Variants in ANKRD31 observed in about 807,000 individuals in gnomAD.
ANKRD31 encodes the protein ankyrin repeat domain-containing protein 31.
Under a neutral mutation model 186.0 loss-of-function variants are expected in ANKRD31, and 147 were observed. The ratio of observed to expected loss-of-function variants is 0.79; its 90% CI spans 0.69 to 0.91. The LOEUF (loss-of-function observed/expected upper bound fraction) is 0.91, where lower values mean the gene tolerates loss of function less well. Among genes scored for constraint, ANKRD31 ranks in the 40% least tolerant of loss-of-function variants. The pLI, the probability that ANKRD31 is intolerant of heterozygous loss-of-function variation, is 0.00. For missense variants in ANKRD31, 1,986 were observed against 2,148.8 expected (o/e 0.92, Z 1.50); for synonymous variants, 673 against 736.4 (o/e 0.91, Z 1.39).
intron 20 of ANKRD31, among the ~76,000 whole-genome samples, chr5:75,109,725 C>G (rs921481372): frequency 6.6e-6 from 1 of 152,046 alleles, no homozygotes; most frequent in African/African-American, 2.4e-5. Context: ...TAACAATGGG[C>G]CTGAGGTGCA....
chr5:75,192,337 G>T (rs1005364515), intron 9 of ANKRD31, among the ~76,000 whole-genome samples: 10 of 152,082 alleles, frequency 6.6e-5, no homozygotes, highest in Admixed American at 2.6e-4. Flanking sequence ...AATAACAATT[G>T]TGCCTTGTCC....
intron 3 of ANKRD31, among the ~76,000 whole-genome samples, chr5:75,219,788 A>C (rs1451277932): frequency 6.6e-6 from 1 of 152,214 alleles, no homozygotes; most frequent in African/African-American, 2.4e-5. Context: ...GTACAAAAAT[A>C]GACACATAAA....
intron 4 of ANKRD31, among the ~76,000 whole-genome samples, chr5:75,208,082 G>A (rs959811552): frequency 1.6e-4 from 25 of 152,000 alleles, no homozygotes; most frequent in South Asian, 1.2e-3. Context: ...AAAAATTAGC[G>A]AGAGAAGTTG....
chr5:75,128,568 G>A (rs79145459), intron 17 of ANKRD31, among the ~76,000 whole-genome samples: 6 of 151,218 alleles, frequency 4.0e-5, no homozygotes, highest in East Asian at 2.0e-4. Flanking sequence ...GCAGTGGTAC[G>A]ATCTTGGCTC....
At chr5:75,166,975 T>C (rs1209023236) in intron 11 of ANKRD31, among the ~76,000 whole-genome samples, 1 of 152,176 alleles carries the variant, frequency 6.6e-6, no homozygotes, top group Non-Finnish European at 1.5e-5. Context: ...ATATAATTCA[T>C]TGTTTTTTAG....
At chr5:75,077,091 A>G in intron 25 of ANKRD31, among the ~76,000 whole-genome samples, 1 of 152,244 alleles carries the variant, frequency 6.6e-6, no homozygotes. Context: ...CCAAATTAAT[A>G]ATTTTTTGTT....
At chr5:75,194,977 GA>G (rs1755363999) in intron 7 of ANKRD31, among the ~76,000 whole-genome samples, 3 of 151,988 alleles carry the variant, frequency 2.0e-5, no homozygotes, top group East Asian at 1.9e-4. Flanking sequence ...ATAATCAGGG[GA>G]AAAAATAAAG....
At chr5:75,235,159 G>C (rs1290934421) in intron 1 of ANKRD31, among the ~76,000 whole-genome samples, 1 of 150,238 alleles carries the variant, frequency 6.7e-6, no homozygotes, top group African/African-American at 2.5e-5. Flanking sequence ...TTATTTTTCA[G>C]ACTTTTCCTA....
chr5:75,146,802 G>A lies in ANKRD31; in HGVS notation c.2609C>T (p.Ser870Phe), dbSNP rs1260850508. Residue 870 changes from serine (S) to phenylalanine (F), a missense_variant, in exon 14 of 26, where the codon TCT becomes TTT. Coordinates refer to ENST00000506364, the MANE Select transcript of ANKRD31 (RefSeq NM_001372053.1). ...TGGGACCAAGTTACTGTTTTCATGA[G>A]ATTTATAAAGTACATGGTGTTGTTC... is the stretch of plus-strand genomic sequence containing the variant. ...LQEQHHVLYK[S>F]HENSNLVPKD... 7 of 1,535,982 alleles carry A rather than the reference G, an allele frequency of 4.6e-6. No individual in the cohort carries two copies. The highest frequency in any genetic ancestry group is 2.0e-5 in the Admixed American group (1 of 50,878).
chr5:75,193,455 C>T lies in ANKRD31; in HGVS notation c.1154G>A (p.Arg385Lys). The change falls in exon 8 of 26, where the codon AGG (arginine) becomes AAG (lysine). Residue 385 changes from arginine to lysine, a missense_variant. Physicochemically the swap from Arg to Lys is conservative, Grantham distance 26 (BLOSUM62 2). Transcript: ENST00000506364. ...SSDQETACVL[R>K]RSSRLEKLKV... ...CAGTTTTTCTAGTCTGGATGATCTC[C>T]TCAACACACACGCAGTTTCCTGATC... The T allele has an allele frequency of 6.5e-7, 1 of 1,537,356 alleles. No individual in the cohort carries two copies. Among genetic ancestry groups the T allele is most frequent in the South Asian group, 1.2e-5 (1 of 84,060 alleles).
chr5:75,187,713 T>C (rs1234698303), intron 10 of ANKRD31, among the ~76,000 whole-genome samples: 1 of 152,156 alleles, frequency 6.6e-6, no homozygotes, highest in African/African-American at 2.4e-5. Context: ...ATCCTGATTA[T>C]AGTATAAACC....
intron 10 of ANKRD31, among the ~76,000 whole-genome samples, chr5:75,172,023 C>T (rs77178140): frequency 0.037 from 5,563 of 151,570 alleles, 330 homozygotes; most frequent in African/African-American, 0.13. Context: ...AAATCCTTAA[C>T]AAAATATTAG....
chr5:75,077,785 C>A (rs1428558071), intron 25 of ANKRD31, among the ~76,000 whole-genome samples: 1 of 151,766 alleles, frequency 6.6e-6, no homozygotes, highest in Non-Finnish European at 1.5e-5. Flanking sequence ...ATTAGCTGGG[C>A]GTGGTGGCAG....
chr5:75,106,752 A>C (rs760109332), intron 21 of ANKRD31, among the ~76,000 whole-genome samples: 4 of 152,064 alleles, frequency 2.6e-5, no homozygotes, highest in Non-Finnish European at 5.9e-5. Context: ...ACTGCTTTAT[A>C]TTGACAGGAA....
intron 9 of ANKRD31, among the ~76,000 whole-genome samples, chr5:75,190,969 A>AT (rs1218301537): frequency 2.6e-5 from 4 of 152,090 alleles, no homozygotes; most frequent in Admixed American, 6.6e-5. Flanking sequence ...TTTCCATACA[A>AT]TTTTTTTAAA....
chr5:75,228,847 C>G (rs909053746), intron 2 of ANKRD31, among the ~76,000 whole-genome samples: 32 of 152,276 alleles, frequency 2.1e-4, no homozygotes, highest in African/African-American at 7.2e-4. Context: ...CATAAGAAGG[C>G]ATCCTGGAGA....
intron 5 of ANKRD31, among the ~76,000 whole-genome samples, chr5:75,204,058 A>G (rs1755995601): frequency 1.3e-5 from 2 of 152,218 alleles, no homozygotes; most frequent in African/African-American, 4.8e-5. Context: ...AAACTTCTAT[A>G]TCTAAGACAT....
At chr5:75,116,818 G>A (rs1265528102) in intron 18 of ANKRD31, 137 bp from the exon 19 acceptor site, 5 of 437,592 alleles carry the variant, frequency 1.1e-5, no homozygotes, top group African/African-American at 2.0e-5. Context: ...ACTCATCATC[G>A]TCATTAATTG....
At chr5:75,215,357 T>C (rs1025229779) in intron 3 of ANKRD31, among the ~76,000 whole-genome samples, 3 of 152,178 alleles carry the variant, frequency 2.0e-5, no homozygotes, top group Non-Finnish European at 4.4e-5. Context: ...ACCAACTATC[T>C]GAACATTCTG....
Sources: allele counts gnomAD v4.1 joint callset (sites outside exome capture counted in the v4.1 genomes callset), GRCh38; gene constraint gnomAD v4.1.1; transcripts MANE v1.5; gene names NCBI Gene and HGNC (gene_info 2026-07-23, HGNC 2026-07-21).